Variants in SEMA3A observed in about 807,000 individuals in gnomAD.
The protein encoded by SEMA3A is semaphorin 3A.
SEMA3A carries 29 observed loss-of-function variants against 97.9 expected under a neutral mutation model. That is an observed-to-expected ratio of 0.30 (90% confidence interval 0.22 to 0.40). The LOEUF is 0.40. SEMA3A is among the 10% of genes least tolerant of loss of function. The pLI, the probability that SEMA3A is intolerant of heterozygous loss-of-function variation, is 1.00. For synonymous variants in SEMA3A, 321 were observed against 323.7 expected, an observed-to-expected ratio of 0.99 and a Z score of 0.09; for missense variants, 763 against 951.3, an observed-to-expected ratio of 0.80 and a Z score of 2.60.
intron 2 of SEMA3A, among the ~76,000 whole-genome samples, chr7:84,366,874 C>T (rs1396373165): frequency 6.6e-6 from 1 of 151,224 alleles, no homozygotes; most frequent in Non-Finnish European, 1.5e-5. Flanking sequence ...CTTGGTTATG[C>T]AGGATTTTTT....
chr7:84,048,430 C>G (rs1307783446), intron 5 of SEMA3A, among the ~76,000 whole-genome samples: 1 of 151,890 alleles, frequency 6.6e-6, no homozygotes, highest in African/African-American at 2.4e-5. Context: ...AGGGTAATAT[C>G]TAATTTTTTC....
chr7:84,385,868 A>G (rs1803382901), intron 1 of SEMA3A, among the ~76,000 whole-genome samples: 1 of 152,152 alleles, frequency 6.6e-6, no homozygotes, highest in Non-Finnish European at 1.5e-5. Flanking sequence ...GACTTTTCTC[A>G]CCTTTTACAA....
intron 3 of SEMA3A, among the ~76,000 whole-genome samples, chr7:84,207,014 A>G (rs1798510345): frequency 6.6e-6 from 1 of 152,204 alleles, no homozygotes; most frequent in Admixed American, 6.5e-5. Context: ...CACCCAAACA[A>G]TGATTATCAC....
intron 12 of SEMA3A, among the ~76,000 whole-genome samples, chr7:83,990,111 A>G (rs60135179): frequency 0.017 from 2,548 of 151,606 alleles, 68 homozygotes; most frequent in African/African-American, 0.058. Context: ...CTGCATAAAT[A>G]TCTTCTTTTG....
Position 84,449,996 on chromosome 7 carries a change from G to A in SEMA3A, c.-246+42464C>T, listed in dbSNP as rs187505498. ...CCATTCATCCATCCACATACGTTTGGGTTGTTTCCACATCTTGTCTATTGT... is the reference window on the plus strand; with the variant it reads ...CCATTCATCCATCCACATACGTTTGAGTTGTTTCCACATCTTGTCTATTGT... On this transcript the variant is annotated intron_variant, in intron 1 of 3. Transcript: ENST00000424555. Among the ~76,000 whole-genome samples, 31 of 152,096 alleles carry A rather than the reference G, an allele frequency of 2.0e-4. No homozygotes were observed. In the East Asian group the frequency reaches 5.2e-3, roughly 26 times the overall value.
At chr7:84,137,747 A>G (rs1796187489) in intron 1 of SEMA3A, among the ~76,000 whole-genome samples, 2 of 151,524 alleles carry the variant, frequency 1.3e-5, no homozygotes, top group South Asian at 4.2e-4. Flanking sequence ...TTACATAGAG[A>G]TATTAAGCAA....
chr7:84,360,435 C>T (rs1202596672), intron 2 of SEMA3A, among the ~76,000 whole-genome samples: 2 of 151,984 alleles, frequency 1.3e-5, no homozygotes, highest in African/African-American at 2.4e-5. Flanking sequence ...GTTTAGTTTC[C>T]GTGTAGTTGA....
intron 2 of SEMA3A, among the ~76,000 whole-genome samples, chr7:84,365,124 T>C (rs1339414078): frequency 1.3e-5 from 2 of 151,552 alleles, no homozygotes; most frequent in Non-Finnish European, 3.0e-5. Context: ...AATTCAATCC[T>C]GTAGGGAGAA....
chr7:84,095,360 T>TATATATAC (rs1794741525), intron 4 of SEMA3A, among the ~76,000 whole-genome samples: 1 of 25,314 alleles, frequency 4.0e-5, no homozygotes, highest in African/African-American at 1.2e-4. Context: ...TTTATATACA[T>TATATATAC]ATATATATAT....
intron 2 of SEMA3A, among the ~76,000 whole-genome samples, chr7:84,324,090 C>T (rs1282003559): frequency 6.6e-6 from 1 of 152,124 alleles, no homozygotes; most frequent in Non-Finnish European, 1.5e-5. Flanking sequence ...ATAAAATTAT[C>T]TGAAGAACTA....
intron 1 of SEMA3A, among the ~76,000 whole-genome samples, chr7:84,416,874 A>C (rs1804450615): frequency 6.6e-6 from 1 of 152,188 alleles, no homozygotes; most frequent in Admixed American, 6.6e-5. Context: ...CAGAAGAATA[A>C]AATGATCCAG....
intron 2 of SEMA3A, among the ~76,000 whole-genome samples, chr7:84,369,183 C>T (rs1236423332): frequency 1.3e-5 from 2 of 150,972 alleles, no homozygotes; most frequent in African/African-American, 4.8e-5. Flanking sequence ...TAGAGCCAGA[C>T]ATTTTATGAA....
intron 1 of SEMA3A, among the ~76,000 whole-genome samples, chr7:84,169,580 A>G (rs1381682947): frequency 6.7e-6 from 1 of 150,014 alleles, no homozygotes; most frequent in Non-Finnish European, 1.5e-5. Flanking sequence ...TATTGTTCAG[A>G]TATTGAAACG....
chr7:84,323,502 A>G (rs1228637940), intron 2 of SEMA3A, among the ~76,000 whole-genome samples: 1 of 152,100 alleles, frequency 6.6e-6, no homozygotes, highest in Non-Finnish European at 1.5e-5. Context: ...AAATCATGTC[A>G]TTTCCTGAGT....
rs190549425 is a variant in SEMA3A, at chr7:84,191,241, A to G, written c.112+3234T>C. Among the ~76,000 whole-genome samples, 35 of 149,726 alleles carry G rather than the reference A, an allele frequency of 2.3e-4. No individual in the cohort carries two copies. In the East Asian group the frequency reaches 6.6e-3, roughly 28 times the overall value. ...ACCTTGACTCTGAAAAAAAAAAAAAACAACTTTAGAAAATAGAAAAAAGAA... is the reference window on the plus strand; with the variant it reads ...ACCTTGACTCTGAAAAAAAAAAAAAGCAACTTTAGAAAATAGAAAAAAGAA... On this transcript the variant is annotated intron_variant, in intron 1 of 16. Transcript: ENST00000265362.
intron 3 of SEMA3A, among the ~76,000 whole-genome samples, chr7:84,214,701 T>A (rs1283282290): frequency 6.7e-6 from 1 of 149,694 alleles, no homozygotes; most frequent in Non-Finnish European, 1.5e-5. Context: ...AGCTTACTTT[T>A]TTTTTTTTTT....
chr7:84,228,042 C>A (rs1047052139), intron 3 of SEMA3A, among the ~76,000 whole-genome samples: 16 of 151,742 alleles, frequency 1.1e-4, no homozygotes, highest in African/African-American at 3.9e-4. Context: ...TTCATAAATT[C>A]TTCTGTTCTA....
At chr7:84,039,228 T>C (rs1276551466) in intron 6 of SEMA3A, among the ~76,000 whole-genome samples, 1 of 152,184 alleles carries the variant, frequency 6.6e-6, no homozygotes, top group East Asian at 1.9e-4. Context: ...TATGAGATAT[T>C]ACTATTAACC....
intron 12 of SEMA3A, among the ~76,000 whole-genome samples, chr7:83,996,428 G>A (rs547581383): frequency 2.0e-5 from 3 of 150,584 alleles, no homozygotes; most frequent in East Asian, 2.0e-4. Flanking sequence ...TCAGCCTCCT[G>A]AGTAGCTGGG....
Sources: allele counts gnomAD v4.1 joint callset (sites outside exome capture counted in the v4.1 genomes callset), GRCh38; gene constraint gnomAD v4.1.1; transcripts MANE v1.5; gene names NCBI Gene and HGNC (gene_info 2026-07-23, HGNC 2026-07-21).